Variants in SH3TC2 observed in about 807,000 individuals in gnomAD.
SH3TC2 encodes SH3 domain and tetratricopeptide repeat-containing protein 2.
SH3TC2 carries 87 observed loss-of-function variants against 124.5 expected under a neutral mutation model. The ratio of observed to expected loss-of-function variants is 0.70; its 90% CI spans 0.59 to 0.84. The LOEUF (loss-of-function observed/expected upper bound fraction) is 0.84. Among genes scored for constraint, SH3TC2 ranks in the 40% least tolerant of loss-of-function variants. The pLI is 0.00. For synonymous variants in SH3TC2, 634 were observed against 628.5 expected (o/e 1.01, Z -0.13); for missense variants, 1,536 against 1,566.4 (o/e 0.98, Z 0.33).
rs1284936089 is a variant in SH3TC2 at position 148,993,237 on chromosome 5, C to T, written c.*11474G>A. ...CAAATTATCCCAATAAAATTCAAAT[C>T]AATCAAATTTAAACCAGGAAAATTT... On this transcript the variant is annotated 3_prime_UTR_variant, in exon 17 of 17. Coordinates refer to ENST00000515425, the MANE Select transcript of SH3TC2 (RefSeq NM_024577.4). 6.6e-6 allele frequency among the ~76,000 whole-genome samples: 1 copy of T among 152,132 alleles called. No homozygotes were observed. Among genetic ancestry groups the T allele is most frequent in the Non-Finnish European group, 1.5e-5 (1 of 68,022 alleles).
rs1753297164 is a variant in SH3TC2 at position 148,984,162 on chromosome 5, A to G, written c.*20549T>C. Among the ~76,000 whole-genome samples, 1 of 152,070 alleles carries G rather than the reference A, an allele frequency of 6.6e-6. No homozygotes were observed. Among genetic ancestry groups the G allele is most frequent in the African/African-American group, 2.4e-5 (1 of 41,406 alleles). ...CTCTCTCTTCTCTTTCTGAAATTGCATTATGTAAATATTAGTTCTCTTGAT... is the reference window on the plus strand; with the variant it reads ...CTCTCTCTTCTCTTTCTGAAATTGCGTTATGTAAATATTAGTTCTCTTGAT... On this transcript the variant is annotated 3_prime_UTR_variant, in exon 17 of 17. Transcript: ENST00000515425.
Position 148,987,135 on chromosome 5 carries a change from G to A in SH3TC2, c.*17576C>T, listed in dbSNP as rs1288977847. Among the ~76,000 whole-genome samples, 1 of 152,202 alleles carries A rather than the reference G, an allele frequency of 6.6e-6. No homozygotes were observed. Among genetic ancestry groups the A allele is most frequent in the South Asian group, 2.1e-4 (1 of 4,836 alleles). ...TAGTCTCACACTTTAGAAGAAATGT[G>A]TAAATCAAATGCTTCTAAATTTAAT... On this transcript the variant is annotated 3_prime_UTR_variant, in exon 17 of 17. Coordinates refer to ENST00000515425, the MANE Select transcript of SH3TC2 (RefSeq NM_024577.4).
rs551985807 is a variant in SH3TC2 at position 149,001,199 on chromosome 5, T to C, written c.*3512A>G. ...ACACACACATACATATATATACACA[T>C]GCACAATATAAAGGCATCTTAAAAT... On this transcript the variant is annotated 3_prime_UTR_variant, in exon 17 of 17. Transcript: ENST00000515425. 6.6e-6 allele frequency: 1 copy of C among 152,028 alleles called. No homozygotes were observed. The highest frequency in any genetic ancestry group is 6.5e-5 in the Admixed American group (1 of 15,268). 9.4% of individuals were successfully genotyped at this position (152,028 alleles called of 1,614,324 possible).
At chr5:149,061,074 A>G (rs1262296415) in intron 1 of SH3TC2, among the ~76,000 whole-genome samples, 1 of 152,226 alleles carries the variant, frequency 6.6e-6, no homozygotes, top group African/African-American at 2.4e-5. Context: ...ATATGGGGGA[A>G]TGGCATGAAA....
intron 8 of SH3TC2, among the ~76,000 whole-genome samples, chr5:149,032,992 C>T (rs1328600980): frequency 6.6e-6 from 1 of 152,110 alleles, no homozygotes; most frequent in East Asian, 1.9e-4. Flanking sequence ...TTTTATAGAT[C>T]TCTTAAATTT....
At chr5:149,013,273 G>A (rs568302098) in intron 12 of SH3TC2, among the ~76,000 whole-genome samples, 2 of 146,126 alleles carry the variant, frequency 1.4e-5, no homozygotes, top group South Asian at 2.3e-4. Context: ...CCATGCTGCT[G>A]TTCTCATGAC....
rs1754078350 is a variant in SH3TC2, at chr5:149,027,088, G to C, written c.2644C>G (p.Leu882Val). The C allele has an allele frequency of 6.2e-7, 1 of 1,614,078 alleles. No homozygotes were observed. Among genetic ancestry groups the C allele is most frequent in the Admixed American group, 1.7e-5 (1 of 60,010 alleles). ...CAGGACTTAAGGCTCAGGTGGCCAA[G>C]ATTGGCCATAGCCACTGCCTGGTTA... The part of the protein sequence containing the change: ...VHNQAVAMAN[L>V]GHLSLKSWAQ... Residue 882 changes from leucine (L) to valine (V), a missense_variant, in exon 11 of 17, where the codon CTT (leucine) becomes GTT (valine). Coordinates refer to ENST00000515425, the MANE Select transcript of SH3TC2 (RefSeq NM_024577.4).
At chr5:149,057,891 C>A (rs974976033) in intron 1 of SH3TC2, among the ~76,000 whole-genome samples, 1 of 152,206 alleles carries the variant, frequency 6.6e-6, no homozygotes, top group Non-Finnish European at 1.5e-5. Context: ...CTGGGTTATG[C>A]AGTGCCATGG....
intron 11 of SH3TC2, 45 bp from the exon 12 acceptor site, chr5:149,026,797 A>G (rs201173748): frequency 6.2e-7 from 1 of 1,614,188 alleles, no homozygotes; most frequent in East Asian, 2.2e-5. Flanking sequence ...TGAGATAGGA[A>G]ATGGATAAAA....
chr5:149,044,479 A>G (rs1456485885), intron 4 of SH3TC2, 54 bp downstream of exon 4: 3 of 1,376,196 alleles, frequency 2.2e-6, no homozygotes, highest in Non-Finnish European at 3.1e-6. Flanking sequence ...AAGCCCTACA[A>G]ATTGGCTAAA....
At position 148,985,369 on chromosome 5, in the gene SH3TC2, T is replaced by C. The variant is rs886060098; in HGVS notation, c.*19342A>G. The stretch of plus-strand genomic sequence containing the variant: ...TCCATCACTTCAAACAATTTTCTTG[T>C]GTCTTTTTTCATCAATTCTTCCTCC... On this transcript the variant is annotated 3_prime_UTR_variant, in exon 17 of 17. Transcript: ENST00000515425. Among the ~76,000 whole-genome samples the C allele has an allele frequency of 2.6e-5, 4 of 152,204 alleles. No individual in the cohort carries two copies. Among genetic ancestry groups the C allele is most frequent in the Non-Finnish European group, 4.4e-5 (3 of 68,016 alleles).
Position 149,027,441 on chromosome 5 carries a change from G to A in SH3TC2, c.2291C>T (p.Ser764Phe). The A allele has an allele frequency of 6.2e-7, 1 of 1,614,182 alleles. No individual in the cohort carries two copies. The highest frequency in any genetic ancestry group is 8.5e-7 in the Non-Finnish European group (1 of 1,180,050). Residue 764 changes from serine (S) to phenylalanine (F), a missense_variant, in exon 11 of 17, where the codon TCC (serine) becomes TTC (phenylalanine). Physicochemically the swap from Ser to Phe is radical, Grantham distance 155. Around this residue, in one of 3 missense-constraint regions of SH3TC2, gnomAD observed 1,102 missense variants for 1,098.6 expected, o/e 1.00. Coordinates refer to ENST00000515425, the MANE Select transcript of SH3TC2 (RefSeq NM_024577.4). ...AGACCTGTGCTCGAGGTACACTTTG[G>A]AAAGGATGAGACACAGGGCCCTCTG... ...STQRALCLILSKVYLEHRSPD... is the reference protein window; with the variant it reads ...STQRALCLILFKVYLEHRSPD...
chr5:149,052,018 A>G, intron 2 of SH3TC2, 124 bp downstream of exon 2: 1 of 770,104 alleles, frequency 1.3e-6, no homozygotes, highest in Non-Finnish European at 2.3e-6. Flanking sequence ...GAGCAAGCAA[A>G]TAGCATAGTC....
intron 12 of SH3TC2, among the ~76,000 whole-genome samples, chr5:149,024,060 G>A (rs1216746233): frequency 6.6e-6 from 1 of 152,130 alleles, no homozygotes; most frequent in African/African-American, 2.4e-5. Flanking sequence ...ATGGGAAGCT[G>A]AGGTTCCACT....
intron 12 of SH3TC2, among the ~76,000 whole-genome samples, chr5:149,023,885 A>G (rs1754020309): frequency 1.3e-5 from 2 of 152,232 alleles, no homozygotes; most frequent in Middle Eastern, 6.8e-3. Flanking sequence ...CAACTACATA[A>G]TTTTAGAAAA....
rs1433862680 is a variant in SH3TC2, at chr5:148,982,942, G to C, written c.*21769C>G. Among the ~76,000 whole-genome samples, 1 of 152,232 alleles carries C rather than the reference G, an allele frequency of 6.6e-6. No homozygotes were observed. Among genetic ancestry groups the C allele is most frequent in the Non-Finnish European group, 1.5e-5 (1 of 68,042 alleles). ...GAGACTGACGCAGCAGAGGCATCAT[G>C]TCTGCAAGTAGAAGATGTTGGTCTC... On this transcript the variant is annotated 3_prime_UTR_variant, in exon 17 of 17. Transcript: ENST00000515425.
intron 5 of SH3TC2, among the ~76,000 whole-genome samples, chr5:149,042,184 T>C (rs1429008817): frequency 6.6e-6 from 1 of 152,242 alleles, no homozygotes; most frequent in African/African-American, 2.4e-5. Flanking sequence ...AATTGGTAGA[T>C]GATAACCTTG....
intron 16 of SH3TC2, 54 bp from the exon 17 acceptor site, chr5:149,004,956 G>T (rs1753661423): frequency 2.5e-6 from 4 of 1,595,854 alleles, no homozygotes; most frequent in Admixed American, 1.7e-5. Flanking sequence ...ACACTTCCAG[G>T]ACAGGCTAGG....
chr5:149,037,523 CA>C (rs995437778), intron 8 of SH3TC2, among the ~76,000 whole-genome samples: 1 of 152,240 alleles, frequency 6.6e-6, no homozygotes, highest in Non-Finnish European at 1.5e-5. Flanking sequence ...AGTCTCTGTT[CA>C]GATCGTTAGA....
Sources: gnomAD v4.1 joint callset for allele counts (sites outside exome capture counted in the v4.1 genomes callset) on GRCh38, gnomAD v4.1.1 for gene constraint, gnomAD v4.1.1 regional missense constraint, MANE v1.5 for transcripts, NCBI Gene and HGNC (gene_info 2026-07-23, HGNC 2026-07-21) for gene names.